Variants in DOC2B observed in about 807,000 individuals in gnomAD.
DOC2B encodes double C2 domain beta, also known as double C2-like domain-containing protein beta.
Under a neutral mutation model 28.9 loss-of-function variants are expected in DOC2B, and 21 were observed. The ratio of observed to expected loss-of-function variants is 0.73; its 90% confidence interval spans 0.52 to 1.05. The LOEUF (loss-of-function observed/expected upper bound fraction) is 1.05, where lower values mean the gene tolerates loss of function less well. Among genes scored for constraint, DOC2B ranks in the 50% least tolerant of loss-of-function variants. DOC2B has a pLI of 0.00. For missense variants in DOC2B, 384 were observed against 421.1 expected (o/e 0.91, Z 0.77); for synonymous variants, 194 against 178.1 (o/e 1.09, Z -0.71).
In DOC2B at chr17:146,683, A is replaced by G. The variant is rs1416071304; in HGVS notation, c.*758T>C. 1 of 152,216 alleles carries G rather than the reference A, an allele frequency of 6.6e-6. No individual in the cohort carries two copies. Among genetic ancestry groups the G allele is most frequent in the African/African-American group, 2.4e-5 (1 of 41,396 alleles). The allele number at this position is 152,216 out of a possible 1,614,324, so 9.4% of individuals were successfully genotyped here. On this transcript the variant is annotated 3_prime_UTR_variant, in exon 9 of 9. Coordinates refer to ENST00000613549, the MANE Select transcript of DOC2B (RefSeq NM_003585.5). ...TCACCCTCCAAGGCCTTACGGAAGC[A>G]CCGCCTCCTCCAGGAAGCCGTCCCT... is the stretch of plus-strand genomic sequence containing the variant.
At chr17:174,337 G>C (rs1423366545) in intron 1 of DOC2B, among the ~76,000 whole-genome samples, 1 of 152,194 alleles carries the variant, frequency 6.6e-6, no homozygotes, top group African/African-American at 2.4e-5. Context: ...TGGAGACAAC[G>C]ATAGTATCCA....
chr17:180,361 C>A (rs978969651), intron 1 of DOC2B, among the ~76,000 whole-genome samples: 2 of 152,142 alleles, frequency 1.3e-5, no homozygotes, highest in African/African-American at 4.8e-5. Context: ...CTTGCCTGCT[C>A]CCGGGGGCTC....
At chr17:175,993 A>T (rs1225861256) in intron 1 of DOC2B, among the ~76,000 whole-genome samples, 1 of 152,192 alleles carries the variant, frequency 6.6e-6, no homozygotes, top group East Asian at 1.9e-4. Context: ...TAGTTTATAA[A>T]TAGAAGCTCG....
At chr17:180,806 C>G (rs2151479528) in intron 1 of DOC2B, among the ~76,000 whole-genome samples, 1 of 152,046 alleles carries the variant, frequency 6.6e-6, no homozygotes, top group African/African-American at 2.4e-5. Flanking sequence ...GGAGGGCGGG[C>G]TGGCAGGGAG....
At position 181,057 on chromosome 17, in the gene DOC2B, C is replaced by T; in HGVS notation, c.373+50G>A. 8.2e-7 allele frequency: 1 copy of T among 1,213,064 alleles called. No homozygotes were observed. The highest frequency in any genetic ancestry group is 1.0e-6 in the Non-Finnish European group (1 of 974,274). 75.1% of individuals were successfully genotyped at this position (1,213,064 alleles called of 1,614,324 possible). A position where few individuals can be genotyped will look rare whatever the true frequency, so the allele number is the denominator to read the frequency against. ...GGAAGCCGCGAGGCCGTGGGGGGGC[C>T]GAGCCCGAGCCAGGGGAGGGGGCGC... is the stretch of plus-strand genomic sequence containing the variant. On this transcript the variant is annotated intron_variant, in intron 1 of 8. Coordinates refer to ENST00000613549, the MANE Select transcript of DOC2B (RefSeq NM_003585.5). This position sits in a 1 kb window ranked among gnomAD's most constrained non-coding sequence, Gnocchi z 7.0.
chr17:156,778 T>C (rs2040140875), intron 5 of DOC2B, among the ~76,000 whole-genome samples: 1 of 152,212 alleles, frequency 6.6e-6, no homozygotes, highest in African/African-American at 2.4e-5. Context: ...GGGGTCTCAC[T>C]ATTTTGCCCA....
chr17:155,000 A>G (rs2040117499), intron 6 of DOC2B, among the ~76,000 whole-genome samples: 1 of 152,112 alleles, frequency 6.6e-6, no homozygotes, highest in African/African-American at 2.4e-5. Flanking sequence ...AAGTACTGGG[A>G]TTACAAGCAC....
intron 1 of DOC2B, among the ~76,000 whole-genome samples, chr17:179,360 T>G (rs142178058): frequency 0.013 from 1,827 of 145,480 alleles, 18 homozygotes; most frequent in Middle Eastern, 0.07. Context: ...AGTTTCTAGC[T>G]TCCTGGTCCC....
intron 6 of DOC2B, among the ~76,000 whole-genome samples, chr17:152,076 A>T (rs62053748): frequency 0.73 from 110,493 of 152,002 alleles, 41,219 homozygotes; most frequent in East Asian, 0.86. Context: ...GGTCCTGGCC[A>T]CCGGGGCTCA....
Position 157,142 on chromosome 17 carries a change from C to T in DOC2B, c.766-765G>A, listed in dbSNP as rs137909903. 3.7e-3 allele frequency among the ~76,000 whole-genome samples: 570 copies of T among 152,344 alleles called. 2 individuals are homozygous for T. Among genetic ancestry groups the T allele is most frequent in the African/African-American group, 0.013 (533 of 41,582 alleles). ...TCTGCAGCCCCCGGCCTGGCGCGCT[C>T]GGCTTCCGCGGACGGTCTTCCACCA... is the stretch of plus-strand genomic sequence containing the variant. On this transcript the variant is annotated intron_variant, in intron 5 of 8. Transcript: ENST00000613549.
chr17:172,614 C>T lies in DOC2B; in HGVS notation c.376G>A (p.Ala126Thr). The T allele has an allele frequency of 6.5e-7, 1 of 1,550,038 alleles. No homozygotes were observed. Among genetic ancestry groups the T allele is most frequent in the South Asian group, 1.2e-5 (1 of 83,974 alleles). Residue 126 changes from alanine to threonine, a missense_variant and splice_region_variant, in exon 2 of 9, where the codon GCC (alanine) becomes ACC (threonine). Transcript: ENST00000613549. Reference sequence around the variant, plus strand: ...AGGCTGAAGTCCAGCGTGCCCAGGGCAGCTGCGGACAGAGGAGGGCACAGG... The same window carrying T: ...AGGCTGAAGTCCAGCGTGCCCAGGGTAGCTGCGGACAGAGGAGGGCACAGG... ...ADGYESDDCT[A>T]LGTLDFSLLY...
intron 1 of DOC2B, among the ~76,000 whole-genome samples, chr17:175,808 C>G (rs1484816006): frequency 6.6e-6 from 1 of 152,244 alleles, no homozygotes; most frequent in African/African-American, 2.4e-5. Flanking sequence ...GGAGAAGCCC[C>G]TGCACTGGCT....
rs148645918 is a variant in DOC2B, at chr17:180,020, T to C, written c.373+1087A>G. ...CTCCAGGCCCGCAGCCCACAGGCCC[T>C]GGTGAGTGCCCAGGCCAGGCGCAGA... On this transcript the variant is annotated intron_variant, in intron 1 of 8. Transcript: ENST00000613549. 2.0e-4 allele frequency among the ~76,000 whole-genome samples: 31 copies of C among 152,262 alleles called. No homozygotes were observed. The East Asian group carries it at 6.0e-3, about 30-fold the overall frequency.
At chr17:157,806 G>A (rs943218117) in intron 5 of DOC2B, among the ~76,000 whole-genome samples, 1 of 152,204 alleles carries the variant, frequency 6.6e-6, no homozygotes, top group African/African-American at 2.4e-5. Context: ...GGGCCCACTG[G>A]AGGCTTGTAC....
intron 2 of DOC2B, among the ~76,000 whole-genome samples, chr17:165,162 C>G (rs2040247734): frequency 6.6e-6 from 1 of 151,504 alleles, no homozygotes; most frequent in South Asian, 2.1e-4. Context: ...TCCTGTTCAC[C>G]AGCTGGGAAG....
intron 2 of DOC2B, among the ~76,000 whole-genome samples, chr17:166,399 T>C (rs997828464): frequency 7.2e-5 from 11 of 152,222 alleles, no homozygotes; most frequent in Admixed American, 2.6e-4. Flanking sequence ...AGTGGGGCCC[T>C]TGGGCACATG....
In DOC2B at chr17:149,301, C is replaced by A. The variant is rs888398050; in HGVS notation, c.924-109G>T. The A allele has an allele frequency of 2.9e-3, 1,161 of 398,138 alleles. 10 individuals are homozygous for A. Among genetic ancestry groups the A allele is most frequent in the Middle Eastern group, 0.015 (24 of 1,584 alleles). 24.7% of individuals were successfully genotyped at this position (398,138 alleles called of 1,614,324 possible). On this transcript the variant is annotated intron_variant, in intron 6 of 8. Coordinates refer to ENST00000613549, the MANE Select transcript of DOC2B (RefSeq NM_003585.5). ...CTGTCCCTGGAGAGAGATTCCTGGG[C>A]CCTTCTTTTGTCCTAATCATTGGAT...
intron 5 of DOC2B, among the ~76,000 whole-genome samples, chr17:158,211 G>A (rs1439968454): frequency 6.6e-6 from 1 of 151,766 alleles, no homozygotes; most frequent in Admixed American, 6.6e-5. Flanking sequence ...GAGACTACCC[G>A]GCTTCTTCCT....
At position 143,998 on chromosome 17, in the gene DOC2B, C is replaced by A. The variant is rs1331810430; in HGVS notation, c.*3443G>T. 3 of 142,324 alleles carry A rather than the reference C, an allele frequency of 2.1e-5. No individual in the cohort carries two copies. The highest frequency in any genetic ancestry group is 4.6e-5 in the Non-Finnish European group (3 of 64,800). The allele number at this position is 142,324 out of a possible 1,614,324, so 8.8% of individuals were successfully genotyped here. ...GCGGACGGGCCGGGGCGCAGTTCCCCGCGCTCGCCACTAGAGGTCAGGAGG... is the reference window on the plus strand; with the variant it reads ...GCGGACGGGCCGGGGCGCAGTTCCCAGCGCTCGCCACTAGAGGTCAGGAGG... On this transcript the variant is annotated 3_prime_UTR_variant, in exon 9 of 9. Transcript: ENST00000613549.
Sources: gnomAD v4.1 joint callset for allele counts (sites outside exome capture counted in the v4.1 genomes callset) on GRCh38, gnomAD v4.1.1 for gene constraint, Gnocchi (gnomAD v3.1) non-coding constraint, MANE v1.5 for transcripts, NCBI Gene and HGNC (gene_info 2026-07-23, HGNC 2026-07-21) for gene names.